RAB11FIP3: variants seen among roughly 807,000 people sequenced by gnomAD.
The protein encoded by RAB11FIP3 is RAB11 family interacting protein 3.
RAB11FIP3 carries 17 observed loss-of-function variants against 77.8 expected under a neutral mutation model. The observed-to-expected ratio is 0.22, with a 90% CI of 0.15 to 0.33. The LOEUF (loss-of-function observed/expected upper bound fraction) is 0.33. Among genes scored for constraint, RAB11FIP3 ranks in the 10% least tolerant of loss-of-function variants. The probability of loss-of-function intolerance (pLI) is 1.00; values close to 1 mark genes in which losing one functional copy is unlikely to be tolerated. For missense variants in RAB11FIP3, 1,005 were observed against 1,011.2 expected, an observed-to-expected ratio of 0.99 and a Z score of 0.08; for synonymous variants, 437 against 448.2, an observed-to-expected ratio of 0.98 and a Z score of 0.31.
chr16:487,263 T>C (rs1023946417), intron 4 of RAB11FIP3, among the ~76,000 whole-genome samples: 6 of 152,008 alleles, frequency 3.9e-5, no homozygotes, highest in Admixed American at 2.0e-4. Flanking sequence ...CCCGAGTAGC[T>C]GGGACTACAG....
chr16:434,791 C>T (rs1352500201), intron 1 of RAB11FIP3, among the ~76,000 whole-genome samples: 1 of 152,126 alleles, frequency 6.6e-6, no homozygotes, highest in Non-Finnish European at 1.5e-5. Flanking sequence ...TGGCCGGACG[C>T]AGTGGCTCAC....
At chr16:459,040 C>G (rs181105597) in intron 1 of RAB11FIP3, among the ~76,000 whole-genome samples, 4 of 151,958 alleles carry the variant, frequency 2.6e-5, no homozygotes, top group Admixed American at 6.6e-5. Flanking sequence ...AAAAGCAGTG[C>G]TCTTTAAAAA....
At chr16:432,154 G>A (rs554425016) in intron 1 of RAB11FIP3, among the ~76,000 whole-genome samples, 3 of 152,280 alleles carry the variant, frequency 2.0e-5, no homozygotes, top group Admixed American at 1.3e-4. Flanking sequence ...AGGCCAAGGC[G>A]GGTGGATCAT....
At chr16:448,683 C>T (rs1266955207) in intron 1 of RAB11FIP3, among the ~76,000 whole-genome samples, 1 of 148,032 alleles carries the variant, frequency 6.8e-6, no homozygotes, top group East Asian at 2.0e-4. Flanking sequence ...TTGCAGTGAG[C>T]CGAGATGGTG....
At chr16:439,140 T>C (rs1370536892) in intron 1 of RAB11FIP3, among the ~76,000 whole-genome samples, 1 of 152,234 alleles carries the variant, frequency 6.6e-6, no homozygotes, top group East Asian at 1.9e-4. Flanking sequence ...TGTGCACCAC[T>C]GTACTTGGCT....
intron 6 of RAB11FIP3, chr16:497,234 T>C: frequency 7.7e-7 from 1 of 1,294,674 alleles, no homozygotes. Flanking sequence ...CCAAGGTGAG[T>C]CGAAGGTGAG....
At chr16:450,079 G>T (rs553430525) in intron 1 of RAB11FIP3, among the ~76,000 whole-genome samples, 3 of 152,122 alleles carry the variant, frequency 2.0e-5, no homozygotes, top group Non-Finnish European at 2.9e-5. Flanking sequence ...TCTAGTCTTG[G>T]CACACCTTCC....
chr16:430,519 G>A (rs1343440827), intron 1 of RAB11FIP3, among the ~76,000 whole-genome samples: 1 of 152,056 alleles, frequency 6.6e-6, no homozygotes, highest in Non-Finnish European at 1.5e-5. Flanking sequence ...CGCTAATGGT[G>A]GCAGTAGGAA....
chr16:506,948 G>C lies in RAB11FIP3; in HGVS notation c.1499+1321G>C, dbSNP rs1416000759. ...TCCTCCTTGTCAAGGAGAATCCGGGGGGCTGCCAGATGCACTTGTTTTGTT... is the reference window on the plus strand; with the variant it reads ...TCCTCCTTGTCAAGGAGAATCCGGGCGGCTGCCAGATGCACTTGTTTTGTT... On this transcript the variant is annotated intron_variant, in intron 8 of 13. Transcript: ENST00000262305. This position sits in a 1 kb window ranked among gnomAD's most constrained non-coding sequence, Gnocchi z 4.5. 6.6e-6 allele frequency among the ~76,000 whole-genome samples: 1 copy of C among 152,090 alleles called. No homozygotes were observed. The highest frequency in any genetic ancestry group is 2.4e-5 in the African/African-American group (1 of 41,406).
At chr16:446,504 C>A (rs1296413644) in intron 1 of RAB11FIP3, among the ~76,000 whole-genome samples, 1 of 152,180 alleles carries the variant, frequency 6.6e-6, no homozygotes, top group Non-Finnish European at 1.5e-5. Flanking sequence ...GTGGGCAGTG[C>A]AGCTGGGGAG....
chr16:441,594 C>T (rs566912929), intron 1 of RAB11FIP3, among the ~76,000 whole-genome samples: 4 of 152,334 alleles, frequency 2.6e-5, no homozygotes, highest in Non-Finnish European at 4.4e-5. Flanking sequence ...ATTGATCTCA[C>T]GCACGCGGAC....
intron 1 of RAB11FIP3, among the ~76,000 whole-genome samples, chr16:442,102 G>T (rs1390999423): frequency 6.6e-6 from 1 of 152,230 alleles, no homozygotes; most frequent in Non-Finnish European, 1.5e-5. Context: ...CTCCCAAAGT[G>T]CTGGGATTAC....
intron 9 of RAB11FIP3, among the ~76,000 whole-genome samples, chr16:511,587 TC>T (rs1462271429): frequency 2.9e-5 from 2 of 69,810 alleles, no homozygotes; most frequent in African/African-American, 1.4e-4. Context: ...TAGGAGAAGT[TC>T]CCCGACGGCC....
chr16:476,258 GT>G (rs1306955670), intron 3 of RAB11FIP3, among the ~76,000 whole-genome samples: 1 of 152,234 alleles, frequency 6.6e-6, no homozygotes, highest in African/African-American at 2.4e-5. Context: ...GGGAGTCTGA[GT>G]TTGTGTAGAA....
chr16:500,612 CG>C (rs1281331857), intron 6 of RAB11FIP3, among the ~76,000 whole-genome samples: 1 of 130,810 alleles, frequency 7.6e-6, no homozygotes, highest in Admixed American at 9.3e-5. Context: ...GGCTTGAACC[CG>C]GAAGGCAGAG....
intron 1 of RAB11FIP3, among the ~76,000 whole-genome samples, chr16:430,873 G>GTA (rs1247355044): frequency 7.9e-5 from 12 of 152,226 alleles, no homozygotes; most frequent in African/African-American, 2.9e-4. Context: ...TAGAGATGAA[G>GTA]TATAGTATAG....
chr16:465,660 A>T (rs1473705667), intron 2 of RAB11FIP3, among the ~76,000 whole-genome samples: 6 of 152,216 alleles, frequency 3.9e-5, no homozygotes, highest in South Asian at 4.2e-4. Context: ...GCCAGGCTAG[A>T]GTGCAGTGGT....
In RAB11FIP3 at chr16:426,870, C is replaced by T; in HGVS notation, c.714+150C>T. 1.9e-6 allele frequency: 1 copy of T among 538,398 alleles called. No individual in the cohort carries two copies. Among genetic ancestry groups the T allele is most frequent in the Non-Finnish European group, 3.1e-6 (1 of 326,652 alleles). 33.4% of individuals were successfully genotyped at this position (538,398 alleles called of 1,614,324 possible). On this transcript the variant is annotated intron_variant, in intron 1 of 13. Coordinates refer to ENST00000262305, the MANE Select transcript of RAB11FIP3 (RefSeq NM_014700.4). This position sits in a 1 kb window ranked among gnomAD's most constrained non-coding sequence, Gnocchi z 5.0. The stretch of plus-strand genomic sequence containing the variant: ...TGCTTTTTCTGCTTATTCACCACTT[C>T]GGCCCTGGATTTCTGGTTGAATTGC...
rs80185070 is a variant in RAB11FIP3, at chr16:507,527, G to A, written c.1499+1900G>A. The stretch of plus-strand genomic sequence containing the variant: ...CCCCCAAAGTGCTGAAATCAGAGGC[G>A]TGAGCCACCATGTCCAGCCTAGATG... On this transcript the variant is annotated intron_variant, in intron 8 of 13. Coordinates refer to ENST00000262305, the MANE Select transcript of RAB11FIP3 (RefSeq NM_014700.4). This position sits in a 1 kb window ranked among gnomAD's most constrained non-coding sequence, Gnocchi z 4.6. Among the ~76,000 whole-genome samples the A allele has an allele frequency of 6.6e-6, 1 of 152,228 alleles. No individual in the cohort carries two copies. Among genetic ancestry groups the A allele is most frequent in the Non-Finnish European group, 1.5e-5 (1 of 68,048 alleles).
Sources: allele counts gnomAD v4.1 joint callset (sites outside exome capture counted in the v4.1 genomes callset), GRCh38; gene constraint gnomAD v4.1.1; non-coding constraint Gnocchi (gnomAD v3.1); transcripts MANE v1.5; gene names NCBI Gene and HGNC (gene_info 2026-07-23, HGNC 2026-07-21).